Variants in GRIK1 observed in about 807,000 individuals in gnomAD.
GRIK1 encodes the protein glutamate ionotropic receptor kainate type subunit 1.
A neutral mutation model predicts 105.7 loss-of-function variants in GRIK1; 69 were observed. The ratio of observed to expected loss-of-function variants is 0.65; its 90% CI spans 0.54 to 0.80. The LOEUF (loss-of-function observed/expected upper bound fraction) is 0.80, where lower values mean the gene tolerates loss of function less well. Ranked by LOEUF, GRIK1 falls within the 30% of genes least tolerant of loss-of-function variation. The pLI is 0.00. For synonymous variants in GRIK1, 438 were observed against 431.3 expected, an observed-to-expected ratio of 1.02 and a Z score of -0.19; for missense variants, 1,109 against 1,167.3, an observed-to-expected ratio of 0.95 and a Z score of 0.73.
chr21:29,681,369 C>T (rs2146678651), intron 3 of GRIK1, among the ~76,000 whole-genome samples: 1 of 152,268 alleles, frequency 6.6e-6, no homozygotes, highest in East Asian at 1.9e-4. Flanking sequence ...CTACAAGGCC[C>T]TCCTCTCTGA....
chr21:29,711,995 T>G (rs1037213114), intron 1 of GRIK1, among the ~76,000 whole-genome samples: 1 of 151,662 alleles, frequency 6.6e-6, no homozygotes. Flanking sequence ...TATCAAGATT[T>G]GGGTGTATTT....
chr21:29,617,545 C>T (rs957886038), intron 7 of GRIK1, among the ~76,000 whole-genome samples: 35 of 152,270 alleles, frequency 2.3e-4, no homozygotes, highest in African/African-American at 7.7e-4. Context: ...TCCACCCAAC[C>T]GCCATACATC....
intron 1 of GRIK1, among the ~76,000 whole-genome samples, chr21:29,790,697 C>A (rs778690487): frequency 3.9e-5 from 6 of 152,142 alleles, no homozygotes; most frequent in Non-Finnish European, 7.4e-5. Context: ...AAGTGATCCA[C>A]CCACCTTGGC....
chr21:29,631,941 C>T (rs1056844836), intron 7 of GRIK1, among the ~76,000 whole-genome samples: 1 of 151,004 alleles, frequency 6.6e-6, no homozygotes, highest in Non-Finnish European at 1.5e-5. Flanking sequence ...CTTAAATGTT[C>T]AATTTAAGTA....
intron 13 of GRIK1, among the ~76,000 whole-genome samples, chr21:29,580,017 G>GTATATATA (rs2090984766): frequency 7.0e-6 from 1 of 142,678 alleles, no homozygotes; most frequent in African/African-American, 2.6e-5. Flanking sequence ...GTATATATAT[G>GTATATATA]TGTATATATG....
rs375686027 is a variant in GRIK1 at position 29,808,912 on chromosome 21, A to T, written c.119-114849T>A. ...GGCTTTTCCAGGCTCAAGGAGGCTG[A>T]TACACTTTTTGAATCTCAGATGATT... On this transcript the variant is annotated intron_variant, in intron 1 of 17. Transcript: ENST00000327783. Among the ~76,000 whole-genome samples, 124 of 152,280 alleles carry T rather than the reference A, an allele frequency of 8.1e-4. 1 individual carries two copies. The highest frequency in any genetic ancestry group is 7.3e-3 in the South Asian group (35 of 4,826).
chr21:29,846,145 C>A (rs1339504178), intron 1 of GRIK1, among the ~76,000 whole-genome samples: 1 of 152,052 alleles, frequency 6.6e-6, no homozygotes, highest in Non-Finnish European at 1.5e-5. Context: ...AATCTCAGAA[C>A]TTTGGGAGGT....
At chr21:29,702,625 C>T (rs906464094) in intron 1 of GRIK1, among the ~76,000 whole-genome samples, 2 of 152,120 alleles carry the variant, frequency 1.3e-5, no homozygotes, top group South Asian at 2.1e-4. Flanking sequence ...GCAGGAGAAT[C>T]GCTTGAACTT....
chr21:29,617,034 C>T (rs1490909221), intron 7 of GRIK1, among the ~76,000 whole-genome samples: 4 of 152,182 alleles, frequency 2.6e-5, no homozygotes, highest in Non-Finnish European at 1.5e-5. Context: ...TTGTATAAAA[C>T]ATTTTATAAT....
chr21:29,668,698 T>G (rs1284622035), intron 4 of GRIK1, among the ~76,000 whole-genome samples: 2 of 152,254 alleles, frequency 1.3e-5, no homozygotes, highest in African/African-American at 4.8e-5. Context: ...AGCATCCTGC[T>G]AGGTACAAGT....
At chr21:29,640,235 T>C (rs2062484659) in intron 7 of GRIK1, among the ~76,000 whole-genome samples, 1 of 152,034 alleles carries the variant, frequency 6.6e-6, no homozygotes, top group South Asian at 2.1e-4. Flanking sequence ...TGAAACCTGA[T>C]ACTTGCAAAA....
intron 1 of GRIK1, among the ~76,000 whole-genome samples, chr21:29,896,819 G>A (rs2070183618): frequency 6.6e-6 from 1 of 152,166 alleles, no homozygotes. Context: ...GAGCTGGAGA[G>A]AGGCTGGAAG....
At chr21:29,875,092 A>T (rs186182865) in intron 1 of GRIK1, among the ~76,000 whole-genome samples, 1 of 151,920 alleles carries the variant, frequency 6.6e-6, no homozygotes, top group African/African-American at 2.4e-5. Context: ...CTCCAAAATA[A>T]TTAGACTTGC....
intron 1 of GRIK1, among the ~76,000 whole-genome samples, chr21:29,837,451 T>A (rs977831800): frequency 3.3e-5 from 5 of 152,102 alleles, no homozygotes; most frequent in African/African-American, 9.7e-5. Flanking sequence ...ATATAATAAA[T>A]ATGTGATTAT....
chr21:29,580,879 G>A lies in GRIK1; in HGVS notation c.1912+546C>T, dbSNP rs144718268. ...GTATAAAATATATTACATTTCTATG[G>A]CCAAATTTTATTTCCCCAACTCCTA... On this transcript the variant is annotated intron_variant, in intron 13 of 17. Transcript: ENST00000327783. Among the ~76,000 whole-genome samples the A allele has an allele frequency of 1.4e-4, 22 of 152,116 alleles. 2 individuals are homozygous for A. The highest frequency in any genetic ancestry group is 5.1e-4 in the African/African-American group (21 of 41,486).
rs7280818 is a variant in GRIK1, at chr21:29,753,780, A to C, written c.119-59717T>G. On this transcript the variant is annotated intron_variant, in intron 1 of 17. Coordinates refer to ENST00000327783, the MANE Select transcript of GRIK1 (RefSeq NM_001330994.2). ...AAATATTTTTAGGTAAACAGTATGA[A>C]GATCTAAGGGAAAAGTCTGTGTGCC... is the stretch of plus-strand genomic sequence containing the variant. Among the ~76,000 whole-genome samples the C allele has an allele frequency of 5.1e-3, 780 of 152,312 alleles. 10 individuals carry two copies. Among genetic ancestry groups the C allele is most frequent in the African/African-American group, 0.018 (743 of 41,560 alleles).
chr21:29,712,123 C>CACACATAT, intron 1 of GRIK1, among the ~76,000 whole-genome samples: 1 of 147,030 alleles, frequency 6.8e-6, no homozygotes, highest in East Asian at 2.0e-4. Context: ...CACACACACA[C>CACACATAT]ATATATATAG....
intron 7 of GRIK1, among the ~76,000 whole-genome samples, chr21:29,636,833 CT>C (rs755208367): frequency 1.6e-4 from 25 of 151,538 alleles, no homozygotes; most frequent in East Asian, 3.9e-4. Context: ...AAAACAGTGG[CT>C]TTTTTTTTAT....
chr21:29,782,150 G>C (rs748787787), intron 1 of GRIK1, among the ~76,000 whole-genome samples: 2 of 143,748 alleles, frequency 1.4e-5, no homozygotes, highest in African/African-American at 2.6e-5. Context: ...GCAGTGGCGC[G>C]ATCTCGGCTC....
Sources: allele counts gnomAD v4.1 joint callset (sites outside exome capture counted in the v4.1 genomes callset), GRCh38; gene constraint gnomAD v4.1.1; transcripts MANE v1.5; gene names NCBI Gene and HGNC (gene_info 2026-07-23, HGNC 2026-07-21).